TNS1: variants seen among roughly 807,000 people sequenced by gnomAD.
The protein encoded by TNS1 is tensin-1.
In TNS1, 62 loss-of-function variants were observed where a neutral mutation model predicts 168.6. The observed-to-expected ratio is 0.37, with a 90% CI of 0.30 to 0.45. TNS1 has a LOEUF of 0.45. TNS1 is among the 20% of genes least tolerant of loss of function. TNS1 has a pLI of 1.00. For missense variants in TNS1, 2,240 were observed against 2,339.4 expected (o/e 0.96, Z 0.88); for synonymous variants, 934 against 933.2 (o/e 1.00, Z -0.02).
chr2:217,893,478 G>A lies in TNS1; in HGVS notation c.678C>T (p.Leu226=), dbSNP rs1156718673. ...CSICKAMDTW[L]NADPHNVVVL... is the part of the protein sequence containing the mutation. ...CAACGACATTGTGAGGGTCTGCATTGAGCCATGTGTCCATGGCCTTACAGA... is the reference window on the plus strand; with the variant it reads ...CAACGACATTGTGAGGGTCTGCATTAAGCCATGTGTCCATGGCCTTACAGA... The change falls in exon 10 of 33, where the codon CTC becomes CTT. Residue 226 remains leucine, a synonymous_variant. Coordinates refer to ENST00000682258, the MANE Select transcript of TNS1 (RefSeq NM_001387777.1). The A allele has an allele frequency of 3.1e-6, 5 of 1,612,564 alleles. No individual in the cohort carries two copies. In the African/African-American group the frequency reaches 6.7e-5, roughly 22 times the overall value.
chr2:217,850,263 G>A (rs1026587887), intron 18 of TNS1: 3 of 985,428 alleles, frequency 3.0e-6, no homozygotes, highest in Non-Finnish European at 3.6e-6. Context: ...CCCTGTGCCA[G>A]AGGGGACACG....
At chr2:218,007,575 G>GA (rs1276074886), upstream of TNS1, among the ~76,000 whole-genome samples, 1 of 131,144 alleles carries the variant, frequency 7.6e-6, no homozygotes, top group Admixed American at 7.7e-5. Flanking sequence ...GTGGGGGGGG[G>GA]GGTTCAGCCA....
rs575039002 is a variant in TNS1, at chr2:217,952,297, G to A, written c.186+26468C>T. Among the ~76,000 whole-genome samples, 6 of 152,274 alleles carry A rather than the reference G, an allele frequency of 3.9e-5. No individual in the cohort carries two copies. The East Asian group carries it at 5.8e-4, about 15-fold the overall frequency. On this transcript the variant is annotated intron_variant, in intron 3 of 32. Transcript: ENST00000682258. Reference sequence around the variant, plus strand: ...TTTGTACAGTTGAGAGAGCTCAGACGCAAGAGGTGAAGCCACTTGTCCAAA... The same window carrying A: ...TTTGTACAGTTGAGAGAGCTCAGACACAAGAGGTGAAGCCACTTGTCCAAA...
chr2:217,923,021 G>A (rs1444956607), intron 3 of TNS1, among the ~76,000 whole-genome samples: 2 of 152,164 alleles, frequency 1.3e-5, no homozygotes, highest in Non-Finnish European at 2.9e-5. Flanking sequence ...CCTCTCAGGA[G>A]CCCGGAATGT....
intron 18 of TNS1, among the ~76,000 whole-genome samples, chr2:217,878,243 A>C (rs1278439728): frequency 2.0e-5 from 3 of 152,036 alleles, no homozygotes; most frequent in African/African-American, 7.2e-5. Context: ...TCTTCCTAAC[A>C]GTCAGGATGG....
At chr2:217,970,251 T>G (rs1957745303) in intron 3 of TNS1, among the ~76,000 whole-genome samples, 1 of 152,324 alleles carries the variant, frequency 6.6e-6, no homozygotes, top group South Asian at 2.1e-4. Flanking sequence ...ACAATACATT[T>G]CTGTTGTTTT....
rs1193520162 is a variant in TNS1, at chr2:217,848,469, C to A, written c.2048G>T (p.Gly683Val). 6.2e-7 allele frequency: 1 copy of A among 1,613,200 alleles called. No homozygotes were observed. The highest frequency in any genetic ancestry group is 8.5e-7 in the Non-Finnish European group (1 of 1,179,414). Residue 683 changes from glycine to valine, a missense_variant, in exon 19 of 33, where the codon GGC becomes GTC. This residue lies in a region of TNS1 where 2,131 missense variants were observed against 2,171.2 expected (regional missense o/e 0.98). Coordinates refer to ENST00000682258, the MANE Select transcript of TNS1 (RefSeq NM_001387777.1). The part of the protein sequence containing the change: ...YPMEPMVNGG[G>V]YPYESASRAG... ...CCGGCTGGCAGACTCGTAGGGGTAG[C>A]CTCCTCCATTGACCATAGGCTCCAT...
intron 4 of TNS1, among the ~76,000 whole-genome samples, chr2:217,908,538 C>T (rs761800470): frequency 6.6e-6 from 1 of 152,164 alleles, no homozygotes; most frequent in Non-Finnish European, 1.5e-5. Context: ...ATGAGCTGCT[C>T]ATGTCCAAAG....
At chr2:217,820,466 C>A (rs750177771) in intron 23 of TNS1, among the ~76,000 whole-genome samples, 7 of 152,134 alleles carry the variant, frequency 4.6e-5, no homozygotes, top group Non-Finnish European at 8.8e-5. Context: ...TCATCTGCTC[C>A]CCTAGTCATC....
chr2:217,984,418 G>GTT lies in TNS1; in HGVS notation c.149-5618_149-5617dup, dbSNP rs556039091. On this transcript the variant is annotated intron_variant, in intron 2 of 32. Coordinates refer to ENST00000682258, the MANE Select transcript of TNS1 (RefSeq NM_001387777.1). ...TCGTAAATTTCTTAAAATATTATGA[G>GTT]TTTTTTTTTTTGCAAGGCAGGGGGG... Among the ~76,000 whole-genome samples the GTT allele has an allele frequency of 4.1e-5, 6 of 146,248 alleles. No individual in the cohort carries two copies. The South Asian group carries it at 8.7e-4, about 21-fold the overall frequency.
chr2:217,972,042 G>T (rs1575148542), intron 3 of TNS1, among the ~76,000 whole-genome samples: 1 of 152,276 alleles, frequency 6.6e-6, no homozygotes, highest in South Asian at 2.1e-4. Flanking sequence ...GTAGGAGAAG[G>T]CCAGAAGAAT....
upstream of TNS1, among the ~76,000 whole-genome samples, chr2:218,004,146 G>A (rs2105987095): frequency 6.6e-6 from 1 of 152,310 alleles, no homozygotes; most frequent in East Asian, 1.9e-4. Context: ...TCCAGGAGAA[G>A]GAGGGAGGGC....
Position 218,031,212 on chromosome 2 carries a change from C to A in TNS1, c.156+2608G>T, listed in dbSNP as rs568820312. ...TGTGTCTGTATGTGTGTGAGTGTGTCTGTGTGTATGAGTGTGAGTGTGTGA... is the reference window on the plus strand; with the variant it reads ...TGTGTCTGTATGTGTGTGAGTGTGTATGTGTGTATGAGTGTGAGTGTGTGA... On this transcript the variant is annotated intron_variant, in intron 1 of 1. Coordinates refer to the TNS1 transcript ENST00000649572. 4.0e-5 allele frequency among the ~76,000 whole-genome samples: 5 copies of A among 123,756 alleles called. No individual in the cohort carries two copies. In the Admixed American group the frequency reaches 4.3e-4, roughly 11 times the overall value. The allele number at this position is 123,756 out of a possible 152,430, so 81.2% of individuals were successfully genotyped here. A position where few individuals can be genotyped will look rare whatever the true frequency, so the allele number is the denominator to read the frequency against.
intron 18 of TNS1, among the ~76,000 whole-genome samples, chr2:217,850,801 G>A (rs920865619): frequency 6.6e-6 from 1 of 152,044 alleles, no homozygotes; most frequent in African/African-American, 2.4e-5. Context: ...CACACTAGGT[G>A]CCACACAATG....
At chr2:217,974,134 T>C (rs1184175722) in intron 3 of TNS1, among the ~76,000 whole-genome samples, 2 of 152,244 alleles carry the variant, frequency 1.3e-5, no homozygotes, top group Non-Finnish European at 2.9e-5. Flanking sequence ...TTGGGGTATA[T>C]TGACTTGAAG....
chr2:217,970,273 T>A (rs886278367), intron 3 of TNS1, among the ~76,000 whole-genome samples: 4 of 152,226 alleles, frequency 2.6e-5, no homozygotes, highest in African/African-American at 9.6e-5. Flanking sequence ...AGTCACCTAG[T>A]TTGTGATACT....
chr2:217,822,815 C>T (rs1051719219), intron 22 of TNS1, among the ~76,000 whole-genome samples: 4 of 152,232 alleles, frequency 2.6e-5, no homozygotes, highest in South Asian at 2.1e-4. Flanking sequence ...AACTCCTCTA[C>T]GGCCTCTGAG....
chr2:217,931,150 A>T (rs1369369604), intron 3 of TNS1, among the ~76,000 whole-genome samples: 3 of 152,122 alleles, frequency 2.0e-5, no homozygotes, highest in Admixed American at 6.5e-5. Context: ...CAGGCATGTA[A>T]ACAGAGAATT....
chr2:217,871,011 G>A (rs528418051), intron 18 of TNS1, among the ~76,000 whole-genome samples: 7 of 152,326 alleles, frequency 4.6e-5, no homozygotes, highest in African/African-American at 1.2e-4. Flanking sequence ...CAAAAGAACC[G>A]AGAATCCTCC....
Sources: allele counts gnomAD v4.1 joint callset (sites outside exome capture counted in the v4.1 genomes callset), GRCh38; gene constraint gnomAD v4.1.1; regional missense constraint gnomAD v4.1.1; transcripts MANE v1.5; gene names NCBI Gene and HGNC (gene_info 2026-07-23, HGNC 2026-07-21).